The following CDC7 variants were observed in gnomAD, a reference collection of about 807,000 sequenced individuals.
CDC7 encodes cell division cycle 7, also known as cell division cycle 7-related protein kinase.
CDC7 carries 34 observed loss-of-function variants against 53.5 expected under a neutral mutation model. That is an observed-to-expected ratio of 0.64 (90% confidence interval 0.48 to 0.85). CDC7 has a LOEUF of 0.85. Among genes scored for constraint, CDC7 ranks in the 40% least tolerant of loss-of-function variants. The pLI, the probability that CDC7 is intolerant of heterozygous loss-of-function variation, is 0.00. For synonymous variants in CDC7, 211 were observed against 222.8 expected, an observed-to-expected ratio of 0.95 and a Z score of 0.47; for missense variants, 594 against 679.7, an observed-to-expected ratio of 0.87 and a Z score of 1.40.
chr1:91,523,628 C>A (rs193106739), intron 11 of CDC7, among the ~76,000 whole-genome samples: 1 of 152,048 alleles, frequency 6.6e-6, no homozygotes, highest in Non-Finnish European at 1.5e-5. Context: ...CCTGGGCACA[C>A]AAGGGGTGCA....
chr1:91,518,201 A>G (rs1402624274), intron 10 of CDC7, among the ~76,000 whole-genome samples: 2 of 144,830 alleles, frequency 1.4e-5, no homozygotes, highest in Non-Finnish European at 3.1e-5. Flanking sequence ...CAACTTTAAG[A>G]AAAAAAAAAA....
At chr1:91,507,815 G>T (rs1238587032) in intron 2 of CDC7, 39 bp from the exon 3 acceptor site, 1 of 1,178,888 alleles carries the variant, frequency 8.5e-7, no homozygotes, top group South Asian at 1.4e-5. Context: ...AAAATATACT[G>T]TCATTGATTA....
intron 2 of CDC7, among the ~76,000 whole-genome samples, chr1:91,503,365 A>G (rs1366414016): frequency 6.6e-6 from 1 of 152,152 alleles, no homozygotes; most frequent in Admixed American, 6.5e-5. Flanking sequence ...TTCAATAGGG[A>G]GCAAAGCTGA....
intron 10 of CDC7, among the ~76,000 whole-genome samples, chr1:91,518,035 A>G (rs924344283): frequency 5.0e-5 from 7 of 138,658 alleles, no homozygotes; most frequent in Non-Finnish European, 1.1e-4. Flanking sequence ...CAGAGGTTAC[A>G]GTGAGCCAAG....
intron 2 of CDC7, among the ~76,000 whole-genome samples, chr1:91,507,204 A>G (rs1317310647): frequency 4.6e-5 from 7 of 152,162 alleles, no homozygotes; most frequent in African/African-American, 1.7e-4. Context: ...AGACTTATCT[A>G]GTTCTCTTCT....
At chr1:91,504,160 G>A (rs1666856876) in intron 2 of CDC7, among the ~76,000 whole-genome samples, 1 of 149,364 alleles carries the variant, frequency 6.7e-6, no homozygotes, top group Non-Finnish European at 1.5e-5. Context: ...TCACTGGAGT[G>A]CAGTGGTGCA....
chr1:91,502,351 G>A (rs368135617), intron 2 of CDC7, among the ~76,000 whole-genome samples: 1 of 151,764 alleles, frequency 6.6e-6, no homozygotes, highest in East Asian at 1.9e-4. Context: ...ACACTCGCAT[G>A]TGTACCTTCA....
At chr1:91,521,811 C>G (rs925102248) in intron 11 of CDC7, among the ~76,000 whole-genome samples, 1 of 151,998 alleles carries the variant, frequency 6.6e-6, no homozygotes. Context: ...TACTCTAGAT[C>G]AAGTGCCATG....
chr1:91,517,501 A>AGT (rs1026309137), intron 10 of CDC7, among the ~76,000 whole-genome samples: 4 of 152,186 alleles, frequency 2.6e-5, no homozygotes, highest in African/African-American at 7.2e-5. Context: ...GTAAAGGAGA[A>AGT]GTAACTGGTT....
chr1:91,512,332 A>G (rs1418786628), intron 6 of CDC7, among the ~76,000 whole-genome samples: 2 of 152,148 alleles, frequency 1.3e-5, no homozygotes, highest in Non-Finnish European at 2.9e-5. Flanking sequence ...ATAAAATTGT[A>G]TTAGTGGAAT....
At chr1:91,504,253 G>A (rs182116856) in intron 2 of CDC7, among the ~76,000 whole-genome samples, 5 of 152,020 alleles carry the variant, frequency 3.3e-5, no homozygotes, top group Admixed American at 2.6e-4. Context: ...TTACAGGCAT[G>A]TGCCGCTACA....
chr1:91,511,370 C>T (rs1667278467), intron 4 of CDC7, among the ~76,000 whole-genome samples: 1 of 151,960 alleles, frequency 6.6e-6, no homozygotes, highest in Non-Finnish European at 1.5e-5. Context: ...CTATAATTAC[C>T]TCGTTTGAAT....
At chr1:91,504,561 G>C (rs1286472272) in intron 2 of CDC7, among the ~76,000 whole-genome samples, 1 of 152,194 alleles carries the variant, frequency 6.6e-6, no homozygotes, top group African/African-American at 2.4e-5. Context: ...GCTTCATTCT[G>C]TTTGCTACAA....
chr1:91,516,366 A>G (rs994360674), intron 10 of CDC7, among the ~76,000 whole-genome samples: 8 of 152,194 alleles, frequency 5.3e-5, no homozygotes, highest in Admixed American at 3.9e-4. Context: ...AGGTTTTGAA[A>G]AAGAAAAATG....
intron 9 of CDC7, 41 bp downstream of exon 9, chr1:91,515,038 G>T: frequency 6.4e-7 from 1 of 1,562,460 alleles, no homozygotes; most frequent in African/African-American, 1.4e-5. Flanking sequence ...CCAGCATGCT[G>T]CCATTAGAAA....
In CDC7 at chr1:91,501,792, G is replaced by C. The variant is rs778494560; in HGVS notation, c.76G>C (p.Gly26Arg). 13 of 1,613,874 alleles carry C rather than the reference G, an allele frequency of 8.1e-6. No individual in the cohort carries two copies. The highest frequency in any genetic ancestry group is 1.1e-5 in the Non-Finnish European group (13 of 1,179,984). Residue 26 changes from glycine (G) to arginine (R), a missense_variant, in exon 2 of 12, where the codon GGC becomes CGC. By Grantham distance (125) the Gly-to-Arg change is moderately radical. Coordinates refer to ENST00000234626, the MANE Select transcript of CDC7 (RefSeq NM_003503.4). ...SPQRDRFQAEGSLKKNEQNFK... is the reference protein window; with the variant it reads ...SPQRDRFQAERSLKKNEQNFK... ...CCAGCGTGACCGGTTTCAGGCTGAA[G>C]GCTCTTTAAAAAAAAACGAGCAGAA...
Position 91,525,747 on chromosome 1 carries a change from A to G in CDC7, c.*1312A>G, listed in dbSNP as rs1668240955. The G allele has an allele frequency of 6.6e-6, 1 of 151,858 alleles. No individual in the cohort carries two copies. Among genetic ancestry groups the G allele is most frequent in the Admixed American group, 6.6e-5 (1 of 15,238 alleles). The allele number at this position is 151,858 out of a possible 1,614,324, so 9.4% of individuals were successfully genotyped here. A position where few individuals can be genotyped will look rare whatever the true frequency, so the allele number is the denominator to read the frequency against. On this transcript the variant is annotated 3_prime_UTR_variant, in exon 12 of 12. Transcript: ENST00000234626. ...TTGAATTTGTATATTCAATAAAGTT[A>G]TCCTTTTATATTTTTTATGTCAGAC...
intron 11 of CDC7, 80 bp downstream of exon 11, chr1:91,520,359 T>C (rs1667869943): frequency 8.4e-7 from 1 of 1,184,500 alleles, no homozygotes; most frequent in East Asian, 2.6e-5. Flanking sequence ...TATTGTGAAA[T>C]TTTCTTTACA....
At chr1:91,508,967 T>A (rs1407441822) in intron 4 of CDC7, among the ~76,000 whole-genome samples, 1 of 152,192 alleles carries the variant, frequency 6.6e-6, no homozygotes, top group Non-Finnish European at 1.5e-5. Flanking sequence ...CTATTGCGGC[T>A]GTTCTTCTCT....
Sources: allele counts gnomAD v4.1 joint callset (sites outside exome capture counted in the v4.1 genomes callset), GRCh38; gene constraint gnomAD v4.1.1; transcripts MANE v1.5; gene names NCBI Gene and HGNC (gene_info 2026-07-23, HGNC 2026-07-21).